Variants in DNAJC18 observed in about 807,000 individuals in gnomAD.
DNAJC18 encodes dnaJ homolog subfamily C member 18.
Under a neutral mutation model 48.6 loss-of-function variants are expected in DNAJC18, and 40 were observed. That is an observed-to-expected ratio of 0.82 (90% CI 0.64 to 1.07). The LOEUF is 1.07. DNAJC18 is among the 50% of genes least tolerant of loss of function. The probability of loss-of-function intolerance (pLI) is 0.00; values close to 1 mark genes in which losing one functional copy is unlikely to be tolerated. For missense variants in DNAJC18, 340 were observed against 427.7 expected (o/e 0.79, Z 1.81); for synonymous variants, 135 against 152.2 (o/e 0.89, Z 0.83).
chr5:139,437,878 C>A (rs1296432253), intron 1 of DNAJC18, among the ~76,000 whole-genome samples: 2 of 152,170 alleles, frequency 1.3e-5, no homozygotes, highest in African/African-American at 4.8e-5. Flanking sequence ...AGGAACTTGG[C>A]TAGAAGATCA....
At chr5:139,432,767 G>A (rs572145200) in intron 2 of DNAJC18, among the ~76,000 whole-genome samples, 38 of 152,314 alleles carry the variant, frequency 2.5e-4, no homozygotes, top group African/African-American at 8.7e-4. Flanking sequence ...CCAAAAGGCT[G>A]GCAGCTGGTG....
At chr5:139,428,492 A>C (rs751434997) in intron 3 of DNAJC18, 46 bp downstream of exon 3, 1 of 1,581,922 alleles carries the variant, frequency 6.3e-7, no homozygotes, top group Admixed American at 1.9e-5. Flanking sequence ...ACTTATTATG[A>C]CCAACCATGA....
rs775279892 is a variant in DNAJC18, at chr5:139,420,123, G to A, written c.882C>T (p.Asp294=). The A allele has an allele frequency of 6.2e-6, 10 of 1,608,926 alleles. No homozygotes were observed. The highest frequency in any genetic ancestry group is 1.7e-4 in the Middle Eastern group (1 of 6,052). Residue 294 remains aspartate, a synonymous_variant, in exon 7 of 8, where the codon GAC becomes GAT. Transcript: ENST00000302060. Reference sequence around the variant, plus strand: ...AATCCTTCTCTATTGTTTTCTCCAAGTCATGCAGAGAAGCTCCTCTGTAGG... The same window carrying A: ...AATCCTTCTCTATTGTTTTCTCCAAATCATGCAGAGAAGCTCCTCTGTAGG... ...DKAYRGASLH[D]LEKTIEKDYI...
rs755846767 is a variant in DNAJC18 at position 139,425,108 on chromosome 5, A to G, written c.566T>C (p.Ile189Thr). 1.9e-6 allele frequency: 3 copies of G among 1,610,934 alleles called. No individual in the cohort carries two copies. Among genetic ancestry groups the G allele is most frequent in the East Asian group, 2.2e-5 (1 of 44,752 alleles). ...FFGGHFPTGNIHMFSNVTDDT... is the reference protein window; with the variant it reads ...FFGGHFPTGNTHMFSNVTDDT... ...ATCTGTCACATTTGAAAACATATGA[A>G]TATTTCCTGGAAAAGAAATACATGG... The change falls in exon 5 of 8, where the codon ATT (isoleucine) becomes ACT (threonine). Residue 189 changes from isoleucine (I) to threonine (T), a missense_variant. By Grantham distance (89) the Ile-to-Thr change is moderately conservative. Transcript: ENST00000302060.
Position 139,428,800 on chromosome 5 carries a change from T to C in DNAJC18, c.228-117A>G, listed in dbSNP as rs187672923. The C allele has an allele frequency of 2.4e-4, 289 of 1,220,338 alleles. 2 individuals are homozygous for C. In the African/African-American group the frequency reaches 4.0e-3, roughly 17 times the overall value. 75.6% of individuals were successfully genotyped at this position (1,220,338 alleles called of 1,614,324 possible). ...GACCCAAAACAAACCTATAAGAAAA[T>C]TAGTGCACACGTTAATGAAACATTC... On this transcript the variant is annotated intron_variant, in intron 2 of 7. Coordinates refer to ENST00000302060, the MANE Select transcript of DNAJC18 (RefSeq NM_152686.4).
intron 2 of DNAJC18, among the ~76,000 whole-genome samples, chr5:139,434,004 G>T (rs571497511): frequency 6.6e-6 from 1 of 151,924 alleles, no homozygotes; most frequent in Non-Finnish European, 1.5e-5. Flanking sequence ...CAATTCTCCC[G>T]CCTCAGCCTC....
intron 3 of DNAJC18, among the ~76,000 whole-genome samples, chr5:139,427,470 T>C (rs1254018119): frequency 6.6e-6 from 1 of 152,242 alleles, no homozygotes; most frequent in Non-Finnish European, 1.5e-5. Flanking sequence ...ATGATTCTTT[T>C]ACCTGGGGAA....
At chr5:139,433,309 T>C (rs1346757713) in intron 2 of DNAJC18, among the ~76,000 whole-genome samples, 1 of 151,998 alleles carries the variant, frequency 6.6e-6, no homozygotes, top group Non-Finnish European at 1.5e-5. Context: ...CTGGGCATGA[T>C]GGTGGGCGCC....
At chr5:139,433,550 T>C (rs1015095226) in intron 2 of DNAJC18, among the ~76,000 whole-genome samples, 2 of 152,186 alleles carry the variant, frequency 1.3e-5, no homozygotes, top group South Asian at 4.2e-4. Flanking sequence ...ATTAGCATCA[T>C]GTGGCATTTT....
At chr5:139,424,592 C>T (rs1241220757) in intron 5 of DNAJC18, among the ~76,000 whole-genome samples, 2 of 151,626 alleles carry the variant, frequency 1.3e-5, no homozygotes, top group African/African-American at 2.4e-5. Context: ...TGGTGGCACG[C>T]ACCTATAGTC....
chr5:139,421,679 C>T (rs1160451072), intron 6 of DNAJC18, among the ~76,000 whole-genome samples: 1 of 150,232 alleles, frequency 6.7e-6, no homozygotes, highest in African/African-American at 2.5e-5. Flanking sequence ...GTGGTGCGTG[C>T]CGCCTGTAAT....
chr5:139,433,479 G>A (rs1211906524), intron 2 of DNAJC18, among the ~76,000 whole-genome samples: 1 of 150,458 alleles, frequency 6.6e-6, no homozygotes, highest in Non-Finnish European at 1.5e-5. Context: ...AGAACTGCAA[G>A]AGATCACTTT....
rs746836165 is a variant in DNAJC18, at chr5:139,437,448, C to T, written c.151G>A (p.Glu51Lys). The change falls in exon 2 of 8, where the codon GAG becomes AAG. Residue 51 changes from glutamate (E) to lysine (K), a missense_variant. Coordinates refer to ENST00000302060, the MANE Select transcript of DNAJC18 (RefSeq NM_152686.4). ...CMKAQKEKKSENEWTQTRQGE... is the reference protein window; with the variant it reads ...CMKAQKEKKSKNEWTQTRQGE... ...TGCCGGGTCTGAGTCCACTCATTCT[C>T]AGACTTCTTTTCCTTTTGTGCCTTC... 1.9e-6 allele frequency: 3 copies of T among 1,614,094 alleles called. No homozygotes were observed. The African/African-American group carries it at 4.0e-5, about 22-fold the overall frequency.
At chr5:139,425,170 CTTT>C in intron 4 of DNAJC18, 56 bp from the exon 5 acceptor site, 1 of 1,285,590 alleles carries the variant, frequency 7.8e-7, no homozygotes, top group Non-Finnish European at 1.1e-6. Context: ...CTGCCTTTTT[CTTT>C]TTTTTTTGGA....
intron 7 of DNAJC18, among the ~76,000 whole-genome samples, chr5:139,416,093 C>T (rs1581412526): frequency 6.6e-6 from 1 of 152,210 alleles, no homozygotes; most frequent in African/African-American, 2.4e-5. Flanking sequence ...TCATGTCCCA[C>T]ATCCCCACTA....
At chr5:139,436,399 T>C (rs1750657388) in intron 2 of DNAJC18, among the ~76,000 whole-genome samples, 1 of 152,042 alleles carries the variant, frequency 6.6e-6, no homozygotes, top group African/African-American at 2.4e-5. Flanking sequence ...CCATTTTTCT[T>C]GGGTCAGTTT....
rs754753596 is a variant in DNAJC18 at position 139,439,434 on chromosome 5, A to T, written c.12T>A (p.Thr4=). 8 of 1,613,654 alleles carry T rather than the reference A, an allele frequency of 5.0e-6. No homozygotes were observed. Among genetic ancestry groups the T allele is most frequent in the Non-Finnish European group, 6.8e-6 (8 of 1,180,022 alleles). Residue 4 remains threonine (T), a synonymous_variant, in exon 1 of 8, where the codon ACT becomes ACA. Transcript: ENST00000302060. The surrounding 1 kb of genome is among the most constrained non-coding windows in gnomAD (Gnocchi z 4.1). The part of the protein sequence containing the change: MAA[T]LGSGERWTEA... ...CCGTCCAGCGCTCCCCGCTGCCCAGAGTCGCCGCCATATCGGTTCCCAATC... is the reference window on the plus strand; with the variant it reads ...CCGTCCAGCGCTCCCCGCTGCCCAGTGTCGCCGCCATATCGGTTCCCAATC...
chr5:139,413,913 T>C lies in DNAJC18; in HGVS notation c.*235A>G. ...AGCAGGGAGACGGAATCCAATGCCTTGCCATTAATTTAACTTAGATGAACT... is the reference window on the plus strand; with the variant it reads ...AGCAGGGAGACGGAATCCAATGCCTCGCCATTAATTTAACTTAGATGAACT... On this transcript the variant is annotated 3_prime_UTR_variant, in exon 8 of 8. Coordinates refer to ENST00000302060, the MANE Select transcript of DNAJC18 (RefSeq NM_152686.4). 1 of 509,200 alleles carries C rather than the reference T, an allele frequency of 2.0e-6. No individual in the cohort carries two copies. Among genetic ancestry groups the C allele is most frequent in the Non-Finnish European group, 3.4e-6 (1 of 295,736 alleles). 31.5% of individuals were successfully genotyped at this position (509,200 alleles called of 1,614,324 possible). A position where few individuals can be genotyped will look rare whatever the true frequency, so the allele number is the denominator to read the frequency against.
chr5:139,429,888 C>G (rs777179426), intron 2 of DNAJC18, among the ~76,000 whole-genome samples: 1 of 152,142 alleles, frequency 6.6e-6, no homozygotes, highest in Non-Finnish European at 1.5e-5. Context: ...GATTGTTCCA[C>G]TACACTCTAG....
Sources: gnomAD v4.1 joint callset for allele counts (sites outside exome capture counted in the v4.1 genomes callset) on GRCh38, gnomAD v4.1.1 for gene constraint, Gnocchi (gnomAD v3.1) non-coding constraint, MANE v1.5 for transcripts, NCBI Gene and HGNC (gene_info 2026-07-23, HGNC 2026-07-21) for gene names.